Variants in RNLS observed in about 807,000 individuals in gnomAD.
RNLS encodes renalase.
RNLS carries 39 observed loss-of-function variants against 39.8 expected under a neutral mutation model. The ratio of observed to expected loss-of-function variants is 0.98; its 90% CI spans 0.76 to 1.28. The LOEUF (loss-of-function observed/expected upper bound fraction) is 1.28. RNLS is among the 50% of genes most tolerant of loss of function. The probability of loss-of-function intolerance (pLI) is 0.00; values close to 1 mark genes in which losing one functional copy is unlikely to be tolerated. For missense variants in RNLS, 410 were observed against 413.3 expected, an observed-to-expected ratio of 0.99 and a Z score of 0.07; for synonymous variants, 147 against 150.7, an observed-to-expected ratio of 0.98 and a Z score of 0.18.
chr10:88,528,728 C>T (rs1847251396), intron 4 of RNLS, among the ~76,000 whole-genome samples: 1 of 151,988 alleles, frequency 6.6e-6, no homozygotes, highest in Non-Finnish European at 1.5e-5. Flanking sequence ...TGGCACATGC[C>T]TGTAATCCCA....
chr10:88,369,390 T>C (rs757704241), intron 4 of RNLS, among the ~76,000 whole-genome samples: 3 of 152,158 alleles, frequency 2.0e-5, no homozygotes, highest in Non-Finnish European at 4.4e-5. Context: ...ATTGGTGACA[T>C]AGGCAGGGGA....
At chr10:88,543,308 C>T (rs894679940) in intron 4 of RNLS, among the ~76,000 whole-genome samples, 1 of 152,130 alleles carries the variant, frequency 6.6e-6, no homozygotes, top group Non-Finnish European at 1.5e-5. Flanking sequence ...TAGGTTCTGC[C>T]TGTTTGTGAA....
intron 4 of RNLS, among the ~76,000 whole-genome samples, chr10:88,542,660 A>G: frequency 6.6e-6 from 1 of 152,202 alleles, no homozygotes; most frequent in Non-Finnish European, 1.5e-5. Flanking sequence ...ACAGCACTGC[A>G]TGATCTTCTG....
the RNLS span, among the ~76,000 whole-genome samples, chr10:88,178,220 G>A: frequency 6.6e-6 from 1 of 152,182 alleles, no homozygotes; most frequent in African/African-American, 2.4e-5. Context: ...TTGGATGAAT[G>A]TGGTAAGATG....
At chr10:88,446,555 G>A (rs1237372863) in intron 4 of RNLS, among the ~76,000 whole-genome samples, 1 of 152,074 alleles carries the variant, frequency 6.6e-6, no homozygotes, top group African/African-American at 2.4e-5. Flanking sequence ...CAAGAAAATT[G>A]ATAGAATGCT....
At chr10:88,583,017 T>G (rs894140465) in intron 1 of RNLS, 56 bp downstream of exon 1, 96 of 1,583,012 alleles carry the variant, frequency 6.1e-5, no homozygotes, top group Non-Finnish European at 7.9e-5. Flanking sequence ...CCACACCACC[T>G]CAGCAGCCTG....
At chr10:88,246,552 T>TG in the RNLS span, among the ~76,000 whole-genome samples, 3 of 151,096 alleles carry the variant, frequency 2.0e-5, no homozygotes, top group Admixed American at 1.3e-4. Flanking sequence ...GTTTTGTTGT[T>TG]TTTTTTTTAA....
chr10:88,582,391 C>T lies in RNLS; in HGVS notation c.119-84G>A, dbSNP rs189514495. On this transcript the variant is annotated intron_variant, in intron 1 of 6. Transcript: ENST00000331772. ...TCAATGCACCTTAGGTTACCCCAAA[C>T]AGATTACTTCAAAAATATCTTAAGA... The T allele has an allele frequency of 1.9e-4, 187 of 997,706 alleles. No homozygotes were observed. In the East Asian group the frequency reaches 4.4e-3, roughly 24 times the overall value. The allele number at this position is 997,706 out of a possible 1,614,324, so 61.8% of individuals were successfully genotyped here. A position where few individuals can be genotyped will look rare whatever the true frequency, so the allele number is the denominator to read the frequency against.
the RNLS span, among the ~76,000 whole-genome samples, chr10:88,205,801 G>C: frequency 6.6e-6 from 1 of 152,108 alleles, no homozygotes; most frequent in Non-Finnish European, 1.5e-5. Flanking sequence ...TCTGCTTTGA[G>C]AATATCATGT....
At chr10:88,246,621 CT>C in the RNLS span, among the ~76,000 whole-genome samples, 1 of 151,820 alleles carries the variant, frequency 6.6e-6, no homozygotes, top group Non-Finnish European at 1.5e-5. Flanking sequence ...ATAAATCCCG[CT>C]TTTTTTTCCT....
chr10:88,464,372 AC>A (rs1265459275), intron 4 of RNLS, among the ~76,000 whole-genome samples: 2 of 152,130 alleles, frequency 1.3e-5, no homozygotes, highest in Non-Finnish European at 2.9e-5. Flanking sequence ...ATGTGAGTTA[AC>A]AAAAGCGAAT....
chr10:88,581,530 A>G, intron 3 of RNLS, 37 bp downstream of exon 3: 1 of 1,550,002 alleles, frequency 6.5e-7, no homozygotes. Context: ...TTTAAATGCT[A>G]ATTTTAAAAT....
chr10:88,407,456 GA>G (rs1853354271), intron 4 of RNLS, among the ~76,000 whole-genome samples: 1 of 151,418 alleles, frequency 6.6e-6, no homozygotes, highest in African/African-American at 2.4e-5. Context: ...TGTGAGAGGA[GA>G]AATTTAATAA....
At chr10:88,481,839 C>T (rs527472494) in intron 4 of RNLS, among the ~76,000 whole-genome samples, 2 of 152,028 alleles carry the variant, frequency 1.3e-5, no homozygotes, top group Non-Finnish European at 2.9e-5. Flanking sequence ...TACTTTTAGC[C>T]TGAAAGACTT....
chr10:88,575,281 T>A (rs1316244849), intron 3 of RNLS, among the ~76,000 whole-genome samples: 1 of 148,438 alleles, frequency 6.7e-6, no homozygotes, highest in Non-Finnish European at 1.5e-5. Context: ...TGTGTGTGTG[T>A]GTATATATAT....
chr10:88,503,149 G>T (rs1845597503), intron 4 of RNLS, among the ~76,000 whole-genome samples: 1 of 152,176 alleles, frequency 6.6e-6, no homozygotes, highest in Non-Finnish European at 1.5e-5. Context: ...GGGAGGCCAA[G>T]GTGGGAGGAT....
rs1847057107 is a variant in RNLS, at chr10:88,330,754, C to T, written c.701-16113G>A. Among the ~76,000 whole-genome samples, 3 of 152,100 alleles carry T rather than the reference C, an allele frequency of 2.0e-5. 1 individual carries two copies. The highest frequency in any genetic ancestry group is 6.8e-3 in the Middle Eastern group (2 of 292). Reference sequence around the variant, plus strand: ...AAATGATTTTTAATTAATTATGCAACATCCTTTACAATTTGACAAAATGAC... The same window carrying T: ...AAATGATTTTTAATTAATTATGCAATATCCTTTACAATTTGACAAAATGAC... On this transcript the variant is annotated intron_variant, in intron 5 of 6. Coordinates refer to ENST00000331772, the MANE Select transcript of RNLS (RefSeq NM_001031709.3).
rs1850753784 is a variant in RNLS, at chr10:88,583,126, C to T, written c.65G>A (p.Arg22Lys). 1 of 1,614,158 alleles carries T rather than the reference C, an allele frequency of 6.2e-7. No individual in the cohort carries two copies. The highest frequency in any genetic ancestry group is 2.2e-5 in the East Asian group (1 of 44,878). The stretch of plus-strand genomic sequence containing the variant: ...AAGGTACAAGGGACCGGACGTCTGC[C>T]TCCTCAGCAGCGCAGCGCACAAGCT... ...TGSLCAALLR[R>K]QTSGPLYLAV... The change falls in exon 1 of 7, where the codon AGG becomes AAG. Residue 22 changes from arginine (R) to lysine (K), a missense_variant. Transcript: ENST00000331772.
downstream of RNLS, among the ~76,000 whole-genome samples, chr10:88,283,061 A>C (rs1375958662): frequency 6.6e-6 from 1 of 152,104 alleles, no homozygotes; most frequent in Non-Finnish European, 1.5e-5. Flanking sequence ...CCACTGTTCT[A>C]CCTGGTGCTG....
Sources: gnomAD v4.1 joint callset for allele counts (sites outside exome capture counted in the v4.1 genomes callset) on GRCh38, gnomAD v4.1.1 for gene constraint, MANE v1.5 for transcripts, NCBI Gene and HGNC (gene_info 2026-07-23, HGNC 2026-07-21) for gene names.